Variants in CACNA1E observed in about 807,000 individuals in gnomAD.
The protein encoded by CACNA1E is calcium voltage-gated channel subunit alpha1 E.
Under a neutral mutation model 259.2 loss-of-function variants are expected in CACNA1E, and 40 were observed. The observed-to-expected ratio is 0.15, with a 90% CI of 0.12 to 0.20. The LOEUF is 0.20. Ranked by LOEUF, CACNA1E falls within the 10% of genes least tolerant of loss-of-function variation. The pLI is 1.00. For missense variants in CACNA1E, 1,874 were observed against 3,040.1 expected, an observed-to-expected ratio of 0.62 and a Z score of 9.02; for synonymous variants, 1,104 against 1,138.5, an observed-to-expected ratio of 0.97 and a Z score of 0.61.
intron 3 of CACNA1E, among the ~76,000 whole-genome samples, chr1:181,570,164 C>T (rs1650264414): frequency 6.8e-6 from 1 of 146,656 alleles, no homozygotes; most frequent in Admixed American, 6.8e-5. Flanking sequence ...CTGTAGTAGA[C>T]TTTTTTTTTT....
At chr1:181,414,142 T>C (rs762784690) in intron 2 of CACNA1E, among the ~76,000 whole-genome samples, 1 of 152,206 alleles carries the variant, frequency 6.6e-6, no homozygotes. Context: ...GAATTTTGGC[T>C]TTTTCTTCTT....
At chr1:181,673,446 AG>A (rs1191292598) in intron 7 of CACNA1E, among the ~76,000 whole-genome samples, 1 of 152,194 alleles carries the variant, frequency 6.6e-6, no homozygotes, top group African/African-American at 2.4e-5. Flanking sequence ...AGGTGGCCCG[AG>A]GGGATATGGG....
At chr1:181,473,432 ATCTGACTCCTGTTGC>A (rs1166174321) in intron 2 of CACNA1E, among the ~76,000 whole-genome samples, 4 of 152,212 alleles carry the variant, frequency 2.6e-5, no homozygotes, top group African/African-American at 9.7e-5. Context: ...TCAGTTCTTG[ATCTGACTCCTGTTGC>A]TCTGGGATAT....
chr1:181,392,563 G>A (rs1285129749), intron 1 of CACNA1E, among the ~76,000 whole-genome samples: 4 of 152,196 alleles, frequency 2.6e-5, no homozygotes, highest in Admixed American at 2.6e-4. Context: ...CTGTGTGCAG[G>A]AACACAGCGG....
At chr1:181,785,476 T>C (rs1660774581) in intron 42 of CACNA1E, 58 bp downstream of exon 42, 1 of 1,195,858 alleles carries the variant, frequency 8.4e-7, no homozygotes, top group Non-Finnish European at 1.2e-6. Flanking sequence ...CAGGAGGGAA[T>C]AGGCCTGTGC....
At position 181,785,324 on chromosome 1, in the gene CACNA1E, A is replaced by G; in HGVS notation, c.5585A>G (p.Asp1862Gly). The G allele has an allele frequency of 6.2e-7, 1 of 1,608,382 alleles. No individual in the cohort carries two copies. Among genetic ancestry groups the G allele is most frequent in the Non-Finnish European group, 8.5e-7 (1 of 1,175,016 alleles). The change falls in exon 42 of 48, where the codon GAC (aspartate) becomes GGC (glycine). Residue 1862 changes from aspartate to glycine, a missense_variant. Physicochemically the swap from Asp to Gly is moderately conservative, Grantham distance 94 (BLOSUM62 -1). Coordinates refer to ENST00000367573, the MANE Select transcript of CACNA1E (RefSeq NM_001205293.3). The part of the protein sequence containing the change: ...DLLVPMPKAS[D>G]LTVGKIYAAM... ...GCCACATTTGTGTTTCTAGCCTCTG[A>G]CCTGACTGTGGGCAAAATCTATGCA...
At chr1:181,766,651 T>C in intron 35 of CACNA1E, 40 bp downstream of exon 35, 1 of 1,444,164 alleles carries the variant, frequency 6.9e-7, no homozygotes, top group Non-Finnish European at 9.7e-7. Flanking sequence ...GGACAGCTGT[T>C]ACCCAGATAA....
At chr1:181,677,051 G>A (rs889411896) in intron 7 of CACNA1E, among the ~76,000 whole-genome samples, 2 of 151,962 alleles carry the variant, frequency 1.3e-5, no homozygotes, top group African/African-American at 2.4e-5. Flanking sequence ...AGAACTGGCC[G>A]GCCCTCCAGG....
chr1:181,673,200 TTATGTATGTATGTA>T (rs1464057608), intron 7 of CACNA1E, among the ~76,000 whole-genome samples: 1 of 137,124 alleles, frequency 7.3e-6, no homozygotes, highest in African/African-American at 2.6e-5. Flanking sequence ...ATCTGTATGT[TTATGTATGTATGTA>T]TATGAGTATG....
chr1:181,719,326 T>A (rs772987153), intron 12 of CACNA1E, among the ~76,000 whole-genome samples: 4 of 152,238 alleles, frequency 2.6e-5, no homozygotes, highest in Non-Finnish European at 5.9e-5. Context: ...GAAAGATATT[T>A]ATTATATCAA....
chr1:181,369,355 G>A (rs1654517033), intron 1 of CACNA1E, among the ~76,000 whole-genome samples: 2 of 152,240 alleles, frequency 1.3e-5, no homozygotes, highest in African/African-American at 2.4e-5. Flanking sequence ...TTGGCCACAG[G>A]AGAAAACGAA....
intron 25 of CACNA1E, 106 bp downstream of exon 25, chr1:181,739,359 G>A (rs1326595977): frequency 3.7e-6 from 3 of 802,178 alleles, no homozygotes; most frequent in Non-Finnish European, 6.4e-6. Flanking sequence ...TGATGCCAAA[G>A]AATGCCCCCG....
chr1:181,554,744 G>A (rs935904424), intron 3 of CACNA1E, among the ~76,000 whole-genome samples: 5 of 152,128 alleles, frequency 3.3e-5, no homozygotes, highest in African/African-American at 9.7e-5. Flanking sequence ...GAGCTTACTG[G>A]TTATCACTGT....
chr1:181,738,499 C>T, intron 24 of CACNA1E, 73 bp downstream of exon 24: 1 of 1,230,616 alleles, frequency 8.1e-7, no homozygotes, highest in Non-Finnish European at 1.2e-6. Context: ...GGCTAGAGCC[C>T]TTCCTCAGTG....
chr1:181,428,691 G>A (rs1178973774), intron 2 of CACNA1E, among the ~76,000 whole-genome samples: 2 of 152,186 alleles, frequency 1.3e-5, no homozygotes, highest in Admixed American at 1.3e-4. Context: ...TGTGTTGGGT[G>A]TAGTTGTCTC....
chr1:181,438,347 T>C (rs1660226828), intron 2 of CACNA1E, among the ~76,000 whole-genome samples: 1 of 152,200 alleles, frequency 6.6e-6, no homozygotes, highest in African/African-American at 2.4e-5. Context: ...ATTATATTCA[T>C]GCAAGAGAAG....
At chr1:181,453,850 A>G (rs1462802759) in intron 2 of CACNA1E, among the ~76,000 whole-genome samples, 1 of 152,174 alleles carries the variant, frequency 6.6e-6, no homozygotes, top group African/African-American at 2.4e-5. Context: ...AATCTGTTTG[A>G]TTGCCAGTAG....
chr1:181,508,811 G>C (rs1332492087), intron 1 of CACNA1E, among the ~76,000 whole-genome samples: 3 of 152,210 alleles, frequency 2.0e-5, no homozygotes, highest in African/African-American at 7.2e-5. Flanking sequence ...AATGCCCATG[G>C]GTGCTGAGGG....
intron 1 of CACNA1E, among the ~76,000 whole-genome samples, chr1:181,509,233 GC>G (rs1160181427): frequency 6.6e-6 from 1 of 152,146 alleles, no homozygotes; most frequent in Non-Finnish European, 1.5e-5. Flanking sequence ...TGCACACACT[GC>G]CTTGCCCTCC....
Sources: allele counts gnomAD v4.1 joint callset (sites outside exome capture counted in the v4.1 genomes callset), GRCh38; gene constraint gnomAD v4.1.1; transcripts MANE v1.5; gene names NCBI Gene and HGNC (gene_info 2026-07-23, HGNC 2026-07-21).